The following USP9X variants were observed in gnomAD, a reference collection of about 807,000 sequenced individuals.
USP9X encodes ubiquitin specific peptidase 9 X-linked.
Under a neutral mutation model 190.3 loss-of-function variants are expected in USP9X, and 7 were observed. The observed-to-expected ratio is 0.04, with a 90% confidence interval of 0.02 to 0.07. The LOEUF is 0.07. USP9X is among the 10% of genes least tolerant of loss of function. The probability of loss-of-function intolerance (pLI) is 1.00; values close to 1 mark genes in which losing one functional copy is unlikely to be tolerated. For missense variants in USP9X, 1,010 were observed against 1,916.9 expected, an observed-to-expected ratio of 0.53 and a Z score of 8.83; for synonymous variants, 645 against 659.5, an observed-to-expected ratio of 0.98 and a Z score of 0.34.
chrX:41,145,655 G>A (rs2062457921), intron 11 of USP9X, among the ~76,000 whole-genome samples: 1 of 111,824 alleles, frequency 8.9e-6, no homozygotes. Context: ...TGGTTTCTGG[G>A]ATGTTACTTG....
chrX:41,137,293 TAGG>T (rs1185511400), intron 6 of USP9X, among the ~76,000 whole-genome samples: 2 of 111,097 alleles, frequency 1.8e-5, no homozygotes, highest in Admixed American at 9.6e-5. Context: ...TGAAATAGAG[TAGG>T]AGATTACTTC....
intron 1 of USP9X, among the ~76,000 whole-genome samples, chrX:41,087,565 C>G (rs1313560118): frequency 8.9e-6 from 1 of 112,640 alleles, no homozygotes; most frequent in East Asian, 2.8e-4. Flanking sequence ...TTTTTAAACT[C>G]ATGTGCTGTG....
chrX:41,101,981 A>AGG (rs2062037581), intron 1 of USP9X, among the ~76,000 whole-genome samples: 1 of 111,475 alleles, frequency 9.0e-6, no homozygotes, highest in Admixed American at 9.6e-5. Flanking sequence ...CATGGGACTG[A>AGG]GGGGAGGTTG....
At chrX:41,189,729 G>T in intron 26 of USP9X, 1 of 243,437 alleles carries the variant, frequency 4.1e-6, no homozygotes, top group Non-Finnish European at 7.3e-6. Flanking sequence ...GAGGTATATA[G>T]ATTAGCCTAT....
intron 14 of USP9X, among the ~76,000 whole-genome samples, chrX:41,154,200 A>G (rs1057460869): frequency 8.9e-6 from 1 of 111,778 alleles, no homozygotes; most frequent in East Asian, 2.8e-4. Flanking sequence ...GATGAGGAAC[A>G]GACAGTGATC....
intron 41 of USP9X, among the ~76,000 whole-genome samples, chrX:41,228,133 A>G (rs2063330933): frequency 8.9e-6 from 1 of 112,199 alleles, no homozygotes; most frequent in African/African-American, 3.2e-5. Flanking sequence ...ACATTTGGTA[A>G]AAACGAAATC....
intron 32 of USP9X, among the ~76,000 whole-genome samples, chrX:41,207,193 A>G (rs1370791831): frequency 3.0e-5 from 3 of 101,453 alleles, no homozygotes; most frequent in East Asian, 3.1e-4. Context: ...GGTTCAAGCA[A>G]TTCTTCAGCC....
At chrX:41,168,324 CTT>C in intron 18 of USP9X, 106 bp downstream of exon 18, 1 of 690,150 alleles carries the variant, frequency 1.4e-6, no homozygotes, top group Non-Finnish European at 2.0e-6. Flanking sequence ...AAATTGTTGT[CTT>C]TGCCCATTAA....
rs1469580376 is a variant in USP9X at position 41,170,136 on chromosome X, C to T, written c.2778C>T (p.Asn926=). The T allele has an allele frequency of 5.8e-6, 7 of 1,211,680 alleles. No individual in the cohort carries two copies. Among genetic ancestry groups the T allele is most frequent in the Middle Eastern group, 2.3e-4 (1 of 4,354 alleles). The change falls in exon 19 of 45, where the codon AAC becomes AAT. Residue 926 remains asparagine, a synonymous_variant. Transcript: ENST00000378308. ...GTATTCTCAATCGTATTAAAGCCAA[C>T]GTAGCCCATACAAAAATTGAGCTCT... ...RRCILNRIKA[N]VAHTKIELFV... is the part of the protein sequence containing the mutation.
chrX:41,089,396 G>T (rs996796468), intron 1 of USP9X, among the ~76,000 whole-genome samples: 3 of 111,958 alleles, frequency 2.7e-5, no homozygotes, highest in African/African-American at 6.5e-5. Flanking sequence ...TTAAGATATA[G>T]TTTAGTTTTT....
intron 14 of USP9X, 90 bp downstream of exon 14, chrX:41,153,171 A>G: frequency 1.0e-6 from 1 of 978,026 alleles, no homozygotes; most frequent in Non-Finnish European, 1.4e-6. Context: ...ATGTTCCTTT[A>G]TGGATTTAAG....
intron 38 of USP9X, among the ~76,000 whole-genome samples, chrX:41,222,431 T>G (rs1438914383): frequency 9.0e-6 from 1 of 111,730 alleles, no homozygotes; most frequent in Non-Finnish European, 1.9e-5. Context: ...AGTTGAGGAA[T>G]AGAAAATGAG....
intron 6 of USP9X, among the ~76,000 whole-genome samples, chrX:41,137,840 T>C (rs984579495): frequency 2.7e-5 from 3 of 111,157 alleles, no homozygotes; most frequent in African/African-American, 9.8e-5. Context: ...GTCTTCAAAA[T>C]GAAAATTTTA....
intron 32 of USP9X, among the ~76,000 whole-genome samples, chrX:41,208,102 C>G (rs185245880): frequency 3.8e-5 from 4 of 106,118 alleles, no homozygotes; most frequent in Admixed American, 2.0e-4. Flanking sequence ...GGTGTGATCT[C>G]GGCTCACGGT....
chrX:41,211,823 G>A (rs1196866085), intron 33 of USP9X, among the ~76,000 whole-genome samples: 1 of 101,817 alleles, frequency 9.8e-6, no homozygotes, highest in African/African-American at 3.6e-5. Context: ...CAGCCGCCCC[G>A]TCCGGGAGGG....
chrX:41,193,798 C>G (rs1205691059), intron 26 of USP9X, among the ~76,000 whole-genome samples: 1 of 111,646 alleles, frequency 9.0e-6, no homozygotes, highest in Non-Finnish European at 1.9e-5. Flanking sequence ...ACTAAACAGC[C>G]TGGGTGACAG....
intron 5 of USP9X, among the ~76,000 whole-genome samples, chrX:41,135,349 A>G (rs1316775955): frequency 2.7e-5 from 3 of 111,309 alleles, no homozygotes; most frequent in East Asian, 5.6e-4. Context: ...ACCACAAGCC[A>G]GTATTTAAAC....
intron 44 of USP9X, 109 bp from the exon 45 acceptor site, chrX:41,232,278 G>C: frequency 1.2e-6 from 1 of 869,473 alleles, no homozygotes; most frequent in East Asian, 3.4e-5. Context: ...TATTTACAGA[G>C]TAAGTCCCAA....
intron 43 of USP9X, chrX:41,230,018 A>G: frequency 2.3e-6 from 1 of 443,113 alleles, no homozygotes; most frequent in South Asian, 4.4e-5. Context: ...CTGGCCAACA[A>G]GGTGAAATCC....
Sources: gnomAD v4.1 joint callset for allele counts (sites outside exome capture counted in the v4.1 genomes callset) on GRCh38, gnomAD v4.1.1 for gene constraint, MANE v1.5 for transcripts, NCBI Gene and HGNC (gene_info 2026-07-23, HGNC 2026-07-21) for gene names.